Variants in DYM observed in about 807,000 individuals in gnomAD.
DYM encodes the protein dymeclin.
In DYM, 78 loss-of-function variants were observed where a neutral mutation model predicts 93.1. The observed-to-expected ratio is 0.84, with a 90% CI of 0.70 to 1.01. The LOEUF (loss-of-function observed/expected upper bound fraction) is 1.01. DYM is among the 50% of genes least tolerant of loss of function. The pLI is 0.00. For missense variants in DYM, 789 were observed against 845.0 expected, an observed-to-expected ratio of 0.93 and a Z score of 0.82; for synonymous variants, 321 against 319.7, an observed-to-expected ratio of 1.00 and a Z score of -0.04.
rs201928717 is a variant in DYM, at chr18:49,044,058, G to T, written c.2172C>A (p.Asp724Glu). 1.2e-6 allele frequency: 2 copies of T among 1,613,320 alleles called. No homozygotes were observed. The highest frequency in any genetic ancestry group is 2.2e-5 in the East Asian group (1 of 44,892). The change falls in exon 18 of 18, where the codon GAC becomes GAA. Residue 724 changes from aspartate to glutamate, a missense_variant. Physicochemically the swap from Asp to Glu is conservative, Grantham distance 45. Coordinates refer to ENST00000675505, the MANE Select transcript of DYM (RefSeq NM_001353214.3). ...CGGGTGGGAGAGCATCCTGCCCTCA[G>T]TCGGAATCCATGGTGAACAGCTGGA... ...QDIQLFTMDS[D>E] is the part of the protein sequence containing the mutation.
At chr18:49,066,116 T>C (rs2076366493) in intron 17 of DYM, among the ~76,000 whole-genome samples, 1 of 151,312 alleles carries the variant, frequency 6.6e-6, no homozygotes. Context: ...GGTGCAAAAG[T>C]AATCGCGTTT....
At chr18:49,110,717 C>T (rs899764737) in intron 16 of DYM, among the ~76,000 whole-genome samples, 1 of 152,088 alleles carries the variant, frequency 6.6e-6, no homozygotes, top group Non-Finnish European at 1.5e-5. Flanking sequence ...GTTCTCTGGG[C>T]TTCCTGGATC....
intron 16 of DYM, among the ~76,000 whole-genome samples, chr18:49,112,870 G>A (rs534167590): frequency 3.3e-5 from 5 of 152,120 alleles, no homozygotes; most frequent in African/African-American, 4.8e-5. Flanking sequence ...TCTGTCCCCA[G>A]ATAGCTGCAT....
chr18:49,276,080 GC>G (rs1370706303), intron 10 of DYM, among the ~76,000 whole-genome samples: 1 of 151,864 alleles, frequency 6.6e-6, no homozygotes, highest in Non-Finnish European at 1.5e-5. Context: ...TTAATCAAAT[GC>G]CCAGGCTAGA....
intron 3 of DYM, among the ~76,000 whole-genome samples, chr18:49,385,172 G>C (rs887843615): frequency 6.6e-6 from 1 of 152,024 alleles, no homozygotes; most frequent in Admixed American, 6.5e-5. Flanking sequence ...CTCCTGAAAA[G>C]ATTGTATTTA....
intron 14 of DYM, among the ~76,000 whole-genome samples, chr18:49,204,889 A>C (rs1259520573): frequency 6.6e-6 from 1 of 152,230 alleles, no homozygotes; most frequent in Non-Finnish European, 1.5e-5. Context: ...AGGAGCTAAC[A>C]GGTCTGAAAG....
chr18:49,198,724 A>G (rs563677396), intron 14 of DYM, among the ~76,000 whole-genome samples: 3 of 151,648 alleles, frequency 2.0e-5, no homozygotes, highest in African/African-American at 7.3e-5. Flanking sequence ...AAAGTCAGGA[A>G]ACAACAGGTG....
chr18:49,317,603 TCCCC>T (rs1279265695), intron 8 of DYM, among the ~76,000 whole-genome samples: 1 of 18,112 alleles, frequency 5.5e-5, no homozygotes. Flanking sequence ...CTCTCCCCCC[TCCCC>T]CCTCCCTCCC....
At chr18:49,081,733 C>T (rs939492966) in intron 17 of DYM, among the ~76,000 whole-genome samples, 5 of 152,196 alleles carry the variant, frequency 3.3e-5, no homozygotes, top group African/African-American at 4.8e-5. Context: ...GACTCTTTCT[C>T]TTCTGGGATT....
intron 8 of DYM, chr18:49,321,161 T>C: frequency 2.6e-6 from 1 of 383,384 alleles, no homozygotes; most frequent in South Asian, 1.4e-4. Flanking sequence ...ATTCTCACTT[T>C]TAAATATTTT....
intron 3 of DYM, among the ~76,000 whole-genome samples, chr18:49,388,282 A>G (rs569144398): frequency 6.6e-6 from 1 of 152,290 alleles, no homozygotes; most frequent in Admixed American, 6.5e-5. Context: ...GTGAGCGGTG[A>G]TAGTGCCACT....
At chr18:49,409,093 T>A (rs62102876) in intron 2 of DYM, among the ~76,000 whole-genome samples, 47,886 of 151,822 alleles carry the variant, frequency 0.32, 8,776 homozygotes, top group Middle Eastern at 0.46. Context: ...AGGACCAGCC[T>A]GCCAACATAG....
At chr18:49,149,909 G>A (rs558551212) in intron 15 of DYM, among the ~76,000 whole-genome samples, 3 of 151,894 alleles carry the variant, frequency 2.0e-5, no homozygotes, top group East Asian at 3.9e-4. Flanking sequence ...GGGTTTCACC[G>A]TGTTGGCCAG....
chr18:49,380,998 CT>C lies in DYM; in HGVS notation c.194-1241del, dbSNP rs34916711. On this transcript the variant is annotated intron_variant, in intron 3 of 17. Coordinates refer to ENST00000675505, the MANE Select transcript of DYM (RefSeq NM_001353214.3). ...GGGAATTTCGCATATATTTGAACTT[CT>C]TTTTTTTTTAACATAGAAACAGGGT... Among the ~76,000 whole-genome samples, 117 of 148,570 alleles carry C rather than the reference CT, an allele frequency of 7.9e-4. 2 individuals are homozygous for C. The highest frequency in any genetic ancestry group is 2.7e-3 in the African/African-American group (111 of 40,672).
intron 15 of DYM, among the ~76,000 whole-genome samples, chr18:49,139,668 T>C (rs1175174665): frequency 2.0e-5 from 3 of 152,162 alleles, no homozygotes; most frequent in Admixed American, 2.0e-4. Context: ...TGAATGTCTA[T>C]CATTAAAATG....
At chr18:49,235,341 C>T (rs1454615869) in intron 13 of DYM, among the ~76,000 whole-genome samples, 1 of 152,164 alleles carries the variant, frequency 6.6e-6, no homozygotes, top group Admixed American at 6.5e-5. Context: ...CTCTTATTCA[C>T]AGTTGAACCT....
intron 14 of DYM, among the ~76,000 whole-genome samples, chr18:49,191,271 T>C (rs1190749305): frequency 6.6e-6 from 1 of 152,202 alleles, no homozygotes; most frequent in Non-Finnish European, 1.5e-5. Context: ...TTAATCACCA[T>C]TGTAAATTAT....
At chr18:49,083,488 A>G (rs1353187677) in intron 17 of DYM, among the ~76,000 whole-genome samples, 1 of 151,992 alleles carries the variant, frequency 6.6e-6, no homozygotes, top group Non-Finnish European at 1.5e-5. Context: ...TCTCTGTCTG[A>G]TTTTGTTATC....
In DYM at chr18:49,256,034, A is replaced by G. The variant is rs2094387429; in HGVS notation, c.1460+976T>C. 2.0e-5 allele frequency among the ~76,000 whole-genome samples: 3 copies of G among 146,646 alleles called. No individual in the cohort carries two copies. In the South Asian group the frequency reaches 6.5e-4, roughly 32 times the overall value. ...AGGAGGTGGAGCTTGCAGTGAGCTG[A>G]GATCGCACCACGGCACTCCATCCTG... On this transcript the variant is annotated intron_variant, in intron 13 of 17. Coordinates refer to ENST00000675505, the MANE Select transcript of DYM (RefSeq NM_001353214.3).
Sources: allele counts gnomAD v4.1 joint callset (sites outside exome capture counted in the v4.1 genomes callset), GRCh38; gene constraint gnomAD v4.1.1; transcripts MANE v1.5; gene names NCBI Gene and HGNC (gene_info 2026-07-23, HGNC 2026-07-21).